Variants in SENP6 observed in about 807,000 individuals in gnomAD.
SENP6 encodes sentrin-specific protease 6.
In SENP6, 41 loss-of-function variants were observed where a neutral mutation model predicts 134.5. The observed-to-expected ratio is 0.30, with a 90% CI of 0.24 to 0.40. The LOEUF is 0.40. Among genes scored for constraint, SENP6 ranks in the 10% least tolerant of loss-of-function variants. The pLI, the probability that SENP6 is intolerant of heterozygous loss-of-function variation, is 1.00. For missense variants in SENP6, 1,248 were observed against 1,312.5 expected, an observed-to-expected ratio of 0.95 and a Z score of 0.76; for synonymous variants, 395 against 429.8, an observed-to-expected ratio of 0.92 and a Z score of 1.00.
At chr6:75,631,753 C>T (rs964662849) in intron 3 of SENP6, among the ~76,000 whole-genome samples, 2 of 152,174 alleles carry the variant, frequency 1.3e-5, no homozygotes, top group African/African-American at 4.8e-5. Context: ...TCAAGAAAGC[C>T]TACAATACTT....
chr6:75,669,929 C>T (rs1772535913), intron 10 of SENP6, among the ~76,000 whole-genome samples: 1 of 112,194 alleles, frequency 8.9e-6, no homozygotes, highest in East Asian at 2.5e-4. Flanking sequence ...TTAAGTTTTA[C>T]AAGATCAGAT....
In SENP6 at chr6:75,623,922, G is replaced by A; in HGVS notation, c.169G>A (p.Asp57Asn). Residue 57 changes from aspartate to asparagine, a missense_variant, in exon 3 of 24, where the codon GAT becomes AAT. Coordinates refer to ENST00000447266, the MANE Select transcript of SENP6 (RefSeq NM_015571.4). ...TAGTGGGACAAATCTGCTCAGTGTG[G>A]ATGAAGATGAGGATTCTGAAACCTC... ...DKDGTNLLSV[D>N]EDEDSETSKG... 6.2e-7 allele frequency: 1 copy of A among 1,608,656 alleles called. No individual in the cohort carries two copies. The highest frequency in any genetic ancestry group is 8.5e-7 in the Non-Finnish European group (1 of 1,177,094).
At chr6:75,658,088 G>A (rs1000526841) in intron 7 of SENP6, among the ~76,000 whole-genome samples, 6 of 152,052 alleles carry the variant, frequency 3.9e-5, no homozygotes, top group East Asian at 1.9e-4. Flanking sequence ...AGAGTTAAGC[G>A]TCAGAAATGT....
intron 19 of SENP6, among the ~76,000 whole-genome samples, chr6:75,705,866 A>G (rs1775357354): frequency 6.8e-6 from 1 of 146,230 alleles, no homozygotes. Flanking sequence ...TATGGAACAT[A>G]CTCCTGTTAC....
At chr6:75,619,017 G>GC (rs1392253880) in intron 1 of SENP6, among the ~76,000 whole-genome samples, 2 of 88,020 alleles carry the variant, frequency 2.3e-5, no homozygotes, top group African/African-American at 7.8e-5. Flanking sequence ...TCACTTTCAG[G>GC]CTTTTTTTTT....
At chr6:75,682,358 G>C (rs1272284028) in intron 16 of SENP6, among the ~76,000 whole-genome samples, 1 of 150,464 alleles carries the variant, frequency 6.6e-6, no homozygotes, top group South Asian at 2.1e-4. Flanking sequence ...AGAAGAACTC[G>C]ACAACACCAT....
At chr6:75,646,361 G>C (rs1252646578) in intron 6 of SENP6, 1 of 152,128 alleles carries the variant, frequency 6.6e-6, no homozygotes, top group African/African-American at 2.4e-5. Context: ...CTGGGATTCA[G>C]ATTCTGGCAT....
intron 12 of SENP6, 65 bp from the exon 13 acceptor site, chr6:75,675,795 A>T: frequency 7.4e-7 from 1 of 1,345,318 alleles, no homozygotes; most frequent in South Asian, 1.3e-5. Context: ...TTTCCTCACA[A>T]TTTCCCCCAT....
intron 7 of SENP6, 48 bp downstream of exon 7, chr6:75,647,849 A>G (rs531217505): frequency 1.2e-5 from 17 of 1,411,814 alleles, no homozygotes; most frequent in Non-Finnish European, 1.5e-5. Flanking sequence ...AAATTGCTGT[A>G]TGAAAAGTAC....
rs550066916 is a variant in SENP6, at chr6:75,652,019, A to G, written c.550+4218A>G. Among the ~76,000 whole-genome samples, 228 of 151,820 alleles carry G rather than the reference A, an allele frequency of 1.5e-3. 3 individuals carry two copies. The highest frequency in any genetic ancestry group is 2.5e-3 in the Non-Finnish European group (173 of 67,962). On this transcript the variant is annotated intron_variant, in intron 7 of 23. Coordinates refer to ENST00000447266, the MANE Select transcript of SENP6 (RefSeq NM_015571.4). ...GGTGAAACCCTAACTCTCCAAAAAA[A>G]TATAAAAATTAGCCGGGTATAGTGG...
chr6:75,666,034 A>T (rs1306938232), intron 9 of SENP6, among the ~76,000 whole-genome samples: 1 of 146,448 alleles, frequency 6.8e-6, no homozygotes. Flanking sequence ...CAAAATATAT[A>T]TATATTTTAT....
intron 7 of SENP6, among the ~76,000 whole-genome samples, chr6:75,653,087 A>G (rs1467484264): frequency 1.3e-5 from 2 of 151,324 alleles, no homozygotes; most frequent in Non-Finnish European, 2.9e-5. Context: ...CTGGTGTGCA[A>G]TGGCGCAATC....
chr6:75,662,018 C>T (rs1027190893), intron 8 of SENP6, among the ~76,000 whole-genome samples: 5 of 152,142 alleles, frequency 3.3e-5, no homozygotes, highest in Admixed American at 2.6e-4. Context: ...CGCCATTGCA[C>T]TCCAGCCTGG....
chr6:75,713,574 T>C lies in SENP6; in HGVS notation c.2971T>C (p.Leu991=). The C allele has an allele frequency of 6.2e-7, 1 of 1,613,554 alleles. No individual in the cohort carries two copies. Among genetic ancestry groups the C allele is most frequent in the East Asian group, 2.2e-5 (1 of 44,828 alleles). ...TTCTCGGTCAAATGTTGTCAAAATT[T>C]TAAGAGAGTAAGTTCACACTTTATT... ...GPSRSNVVKI[L]REYLEVEWEV... is the part of the protein sequence containing the mutation. The change falls in exon 22 of 24, where the codon TTA becomes CTA. Residue 991 remains leucine (L), a synonymous_variant. Coordinates refer to ENST00000447266, the MANE Select transcript of SENP6 (RefSeq NM_015571.4).
At chr6:75,652,419 A>G (rs1770939517) in intron 7 of SENP6, among the ~76,000 whole-genome samples, 1 of 152,020 alleles carries the variant, frequency 6.6e-6, no homozygotes, top group South Asian at 2.1e-4. Flanking sequence ...CATTTAAAAT[A>G]TTATTACTGT....
intron 21 of SENP6, 33 bp from the exon 22 acceptor site, chr6:75,713,480 A>G: frequency 2.0e-6 from 3 of 1,528,258 alleles, no homozygotes; most frequent in South Asian, 2.3e-5. Flanking sequence ...AATATTATGA[A>G]GTATTCGACT....
chr6:75,676,883 G>A (rs1773118392), intron 13 of SENP6, 147 bp from the exon 14 acceptor site: 2 of 567,908 alleles, frequency 3.5e-6, no homozygotes, highest in Admixed American at 3.2e-5. Context: ...TGATTGTTGT[G>A]TATCCACTGT....
In SENP6 at chr6:75,705,924, C is replaced by CTTTTTTTTTTTTTT. The variant is rs1562073188; in HGVS notation, c.2716+2852_2716+2853insTTTTTTTTTTTTTT. Among the ~76,000 whole-genome samples, 619 of 89,264 alleles carry CTTTTTTTTTTTTTT rather than the reference C, an allele frequency of 6.9e-3. 184 individuals carry two copies. The highest frequency in any genetic ancestry group is 0.014 in the Middle Eastern group (2 of 140). The allele number at this position is 89,264 out of a possible 152,430, so 58.6% of individuals were successfully genotyped here. A position where few individuals can be genotyped will look rare whatever the true frequency, so the allele number is the denominator to read the frequency against. Reference sequence around the variant, plus strand: ...AGTGAGTTAGAAAGCTATTTTTGAGCCTTTTTTTTTTTTTTTTTTTTTTTT... The same window carrying CTTTTTTTTTTTTTT: ...AGTGAGTTAGAAAGCTATTTTTGAGCTTTTTTTTTTTTTTCTTTTTTTTTTTTTTTTTTTTTTTT... On this transcript the variant is annotated intron_variant, in intron 19 of 23. Transcript: ENST00000447266.
chr6:75,682,820 G>T (rs1479011056), intron 16 of SENP6, among the ~76,000 whole-genome samples: 2 of 152,134 alleles, frequency 1.3e-5, no homozygotes, highest in African/African-American at 4.8e-5. Flanking sequence ...GGACATTTGG[G>T]TTGGTTCCAA....
Sources: gnomAD v4.1 joint callset for allele counts (sites outside exome capture counted in the v4.1 genomes callset) on GRCh38, gnomAD v4.1.1 for gene constraint, MANE v1.5 for transcripts, NCBI Gene and HGNC (gene_info 2026-07-23, HGNC 2026-07-21) for gene names.